The following BACH2 variants were observed in gnomAD, a reference collection of about 807,000 sequenced individuals.
BACH2 encodes BACH transcriptional regulator 2.
In BACH2, 5 loss-of-function variants were observed where a neutral mutation model predicts 61.8. That is an observed-to-expected ratio of 0.08 (90% CI 0.04 to 0.17). The LOEUF is 0.17. BACH2 is among the 10% of genes least tolerant of loss of function. The pLI is 1.00. For synonymous variants in BACH2, 446 were observed against 440.1 expected, an observed-to-expected ratio of 1.01 and a Z score of -0.17; for missense variants, 824 against 1,091.1, an observed-to-expected ratio of 0.76 and a Z score of 3.45.
At chr6:89,972,147 G>C (rs1775397016) in intron 6 of BACH2, among the ~76,000 whole-genome samples, 1 of 152,232 alleles carries the variant, frequency 6.6e-6, no homozygotes, top group Non-Finnish European at 1.5e-5. Context: ...AACTGGAGAA[G>C]GGAGCAAGGG....
At chr6:89,978,970 C>T (rs1266477966) in intron 6 of BACH2, among the ~76,000 whole-genome samples, 4 of 152,132 alleles carry the variant, frequency 2.6e-5, no homozygotes, top group South Asian at 2.1e-4. Context: ...GAGAAAGAGC[C>T]GCTAGCTCAT....
In BACH2 at chr6:90,014,438, G is replaced by GTA. The variant is rs1777911285; in HGVS notation, c.-12-5583_-12-5582insTA. On this transcript the variant is annotated intron_variant, in intron 5 of 8. Transcript: ENST00000257749. ...CATAAAATTGTGTGTGTGTGTGTGT[G>GTA]TGTATATATATATATATATATATAT... Among the ~76,000 whole-genome samples, 85 of 73,154 alleles carry GTA rather than the reference G, an allele frequency of 1.2e-3. 1 individual carries two copies. The highest frequency in any genetic ancestry group is 3.9e-3 in the African/African-American group (51 of 13,024). The allele number at this position is 73,154 out of a possible 152,430, so 48.0% of individuals were successfully genotyped here.
At chr6:89,944,951 T>TA (rs1562313464) in intron 7 of BACH2, among the ~76,000 whole-genome samples, 4 of 152,038 alleles carry the variant, frequency 2.6e-5, no homozygotes. Context: ...AACAAACCTA[T>TA]AAACCATAAT....
At chr6:90,162,524 C>T (rs1262919762) in intron 4 of BACH2, among the ~76,000 whole-genome samples, 1 of 152,062 alleles carries the variant, frequency 6.6e-6, no homozygotes, top group African/African-American at 2.4e-5. Context: ...CACCTGTGGT[C>T]CCAGCTACTT....
chr6:90,261,103 A>G (rs1013296491), intron 2 of BACH2, among the ~76,000 whole-genome samples: 2 of 152,160 alleles, frequency 1.3e-5, no homozygotes, highest in African/African-American at 4.8e-5. Flanking sequence ...ACTTATTTTC[A>G]TGGACACTAC....
intron 4 of BACH2, among the ~76,000 whole-genome samples, chr6:90,130,305 T>C (rs1053885126): frequency 5.3e-5 from 8 of 152,158 alleles, no homozygotes; most frequent in Non-Finnish European, 1.0e-4. Flanking sequence ...ATGCCCAGGA[T>C]ACAGGTGACC....
chr6:90,163,913 T>C (rs1057443281), intron 4 of BACH2, among the ~76,000 whole-genome samples: 4 of 152,140 alleles, frequency 2.6e-5, no homozygotes, highest in African/African-American at 7.2e-5. Context: ...GCTAGGTAAT[T>C]TGGTCACAGA....
intron 4 of BACH2, among the ~76,000 whole-genome samples, chr6:90,136,254 G>C (rs1342116962): frequency 6.6e-6 from 1 of 151,970 alleles, no homozygotes; most frequent in African/African-American, 2.4e-5. Context: ...TAAACTTCAG[G>C]GTCAGTTCTA....
intron 7 of BACH2, among the ~76,000 whole-genome samples, chr6:89,945,985 A>G (rs138736673): frequency 1.2e-3 from 180 of 152,312 alleles, no homozygotes; most frequent in African/African-American, 4.2e-3. Context: ...TAAGGAATAT[A>G]GCAAATCCAG....
rs576142264 is a variant in BACH2 at position 90,040,070 on chromosome 6, G to C, written c.-12-31214C>G. On this transcript the variant is annotated intron_variant, in intron 5 of 8. Coordinates refer to ENST00000257749, the MANE Select transcript of BACH2 (RefSeq NM_021813.4). ...GGTTTATGGTGGTATTTGCTGCTCA[G>C]AAATTTTTGATTTTTGTGTCATTGA... Among the ~76,000 whole-genome samples the C allele has an allele frequency of 2.4e-4, 36 of 149,466 alleles. No homozygotes were observed. In the East Asian group the frequency reaches 6.5e-3, roughly 27 times the overall value.
In BACH2 at chr6:89,977,435, G is replaced by A. The variant is rs80266408; in HGVS notation, c.244-25573C>T. 2.6e-5 allele frequency among the ~76,000 whole-genome samples: 4 copies of A among 152,300 alleles called. No individual in the cohort carries two copies. In the East Asian group the frequency reaches 7.7e-4, roughly 29 times the overall value. The stretch of plus-strand genomic sequence containing the variant: ...TTAATGATGCTGGTTCCAGTTCAGT[G>A]ATTGAACTGGGTAAAAAAACATTTC... On this transcript the variant is annotated intron_variant, in intron 6 of 8. Coordinates refer to ENST00000257749, the MANE Select transcript of BACH2 (RefSeq NM_021813.4).
chr6:90,204,800 TGGGGCAGAACACCTGCCTACTTTCCA>T (rs1253123251), intron 4 of BACH2, among the ~76,000 whole-genome samples: 2 of 152,216 alleles, frequency 1.3e-5, no homozygotes, highest in Admixed American at 6.5e-5. Flanking sequence ...GTCATGACCC[TGGGGCAGAACACCTGCCTACTTTCCA>T]GTATTCTAGC....
chr6:90,116,973 A>G (rs914105491), intron 4 of BACH2: 33 of 373,626 alleles, frequency 8.8e-5, no homozygotes, highest in South Asian at 2.8e-4. Context: ...AATGATAGAC[A>G]TGGGTTGCTC....
At chr6:90,073,623 A>C (rs79625530) in intron 5 of BACH2, among the ~76,000 whole-genome samples, 1,952 of 152,192 alleles carry the variant, frequency 0.013, 41 homozygotes, top group African/African-American at 0.045. Flanking sequence ...CAAACATCAA[A>C]ATCGGAACAA....
chr6:90,042,872 G>C (rs1437122373), intron 5 of BACH2, among the ~76,000 whole-genome samples: 1 of 152,150 alleles, frequency 6.6e-6, no homozygotes, highest in African/African-American at 2.4e-5. Flanking sequence ...ATGTAGAAAG[G>C]CTTGTTGGGT....
chr6:90,204,127 C>T lies in BACH2; in HGVS notation c.-162+2442G>A, dbSNP rs556743878. Among the ~76,000 whole-genome samples the T allele has an allele frequency of 6.6e-5, 10 of 152,276 alleles. No individual in the cohort carries two copies. The South Asian group carries it at 1.2e-3, about 19-fold the overall frequency. On this transcript the variant is annotated intron_variant, in intron 4 of 8. Transcript: ENST00000257749. ...CAAAGGAATAACAAGGACCCTAGAA[C>T]GCCAGGGCCACCCTCCATCCGAACA...
intron 5 of BACH2, among the ~76,000 whole-genome samples, chr6:90,019,388 G>A (rs1432543611): frequency 2.0e-5 from 3 of 152,190 alleles, no homozygotes; most frequent in African/African-American, 7.2e-5. Context: ...AGTGGAAACA[G>A]GAGTGGACCA....
At chr6:89,995,806 A>C (rs1776813457) in intron 6 of BACH2, among the ~76,000 whole-genome samples, 1 of 152,208 alleles carries the variant, frequency 6.6e-6, no homozygotes, top group African/African-American at 2.4e-5. Context: ...GCTAAGTAAG[A>C]GTTGATGCTC....
intron 1 of BACH2, among the ~76,000 whole-genome samples, chr6:90,282,943 C>T (rs1019998160): frequency 2.0e-5 from 3 of 152,272 alleles, no homozygotes; most frequent in Non-Finnish European, 2.9e-5. Context: ...AATTGTTTTC[C>T]GATATAATTG....
Sources: gnomAD v4.1 joint callset for allele counts (sites outside exome capture counted in the v4.1 genomes callset) on GRCh38, gnomAD v4.1.1 for gene constraint, MANE v1.5 for transcripts, NCBI Gene and HGNC (gene_info 2026-07-23, HGNC 2026-07-21) for gene names.